XKR4: variants seen among roughly 807,000 people sequenced by gnomAD.
XKR4 encodes the protein XK related 4, also known as XK-related protein 4.
XKR4 carries 12 observed loss-of-function variants against 53.9 expected under a neutral mutation model. The observed-to-expected ratio is 0.22, with a 90% CI of 0.14 to 0.36. XKR4 has a LOEUF of 0.36. XKR4 is among the 10% of genes least tolerant of loss of function. XKR4 has a pLI of 1.00. For synonymous variants in XKR4, 354 were observed against 362.4 expected, an observed-to-expected ratio of 0.98 and a Z score of 0.26; for missense variants, 799 against 859.5, an observed-to-expected ratio of 0.93 and a Z score of 0.88.
At chr8:55,497,077 C>T (rs574181834) in intron 2 of XKR4, among the ~76,000 whole-genome samples, 1 of 152,192 alleles carries the variant, frequency 6.6e-6, no homozygotes, top group Non-Finnish European at 1.5e-5. Context: ...TGCTGCAATA[C>T]ACTTTCGTCC....
At chr8:55,471,635 T>G (rs1805885654) in intron 2 of XKR4, among the ~76,000 whole-genome samples, 1 of 152,144 alleles carries the variant, frequency 6.6e-6, no homozygotes, top group African/African-American at 2.4e-5. Flanking sequence ...GTTTGTCCTC[T>G]CCAAATCTCA....
intron 1 of XKR4, among the ~76,000 whole-genome samples, chr8:55,211,422 A>G (rs1390372854): frequency 6.6e-6 from 1 of 152,198 alleles, no homozygotes; most frequent in Admixed American, 6.5e-5. Flanking sequence ...TTGAAATACA[A>G]CTTCTTTGAC....
chr8:55,356,113 G>C (rs954456978), intron 1 of XKR4, among the ~76,000 whole-genome samples: 1 of 152,192 alleles, frequency 6.6e-6, no homozygotes, highest in East Asian at 1.9e-4. Context: ...AAATACTGTA[G>C]AGACATTGGC....
chr8:55,416,194 G>A (rs1804843747), intron 2 of XKR4, among the ~76,000 whole-genome samples: 1 of 152,162 alleles, frequency 6.6e-6, no homozygotes, highest in Non-Finnish European at 1.5e-5. Flanking sequence ...AAAAAATGGA[G>A]CAACGAGAAA....
intron 2 of XKR4, among the ~76,000 whole-genome samples, chr8:55,503,000 G>A (rs956260102): frequency 3.9e-5 from 6 of 152,014 alleles, no homozygotes; most frequent in Non-Finnish European, 5.9e-5. Context: ...GTCAAAAATC[G>A]TTTGACCATC....
chr8:55,324,210 C>T (rs751724460), intron 1 of XKR4, among the ~76,000 whole-genome samples: 1 of 152,172 alleles, frequency 6.6e-6, no homozygotes, highest in Non-Finnish European at 1.5e-5. Context: ...ATCCTCCCAC[C>T]TCAGCCTCAT....
intron 2 of XKR4, among the ~76,000 whole-genome samples, chr8:55,488,370 T>C (rs1806224720): frequency 6.6e-6 from 1 of 152,208 alleles, no homozygotes; most frequent in Non-Finnish European, 1.5e-5. Context: ...TGTAAACTCC[T>C]ACAAAAATGT....
chr8:55,318,776 G>C (rs1004231604), intron 1 of XKR4, among the ~76,000 whole-genome samples: 1 of 152,114 alleles, frequency 6.6e-6, no homozygotes, highest in African/African-American at 2.4e-5. Context: ...CATCAGGCAC[G>C]CAACCTCCAG....
intron 2 of XKR4, among the ~76,000 whole-genome samples, chr8:55,443,890 G>A (rs1467361674): frequency 6.6e-6 from 1 of 151,586 alleles, no homozygotes; most frequent in Non-Finnish European, 1.5e-5. Context: ...ATCAAAATGG[G>A]CCAGGCACAG....
At chr8:55,375,900 C>T (rs1804144849) in intron 2 of XKR4, among the ~76,000 whole-genome samples, 1 of 152,038 alleles carries the variant, frequency 6.6e-6, no homozygotes, top group African/African-American at 2.4e-5. Flanking sequence ...CCCTAACAGG[C>T]CCCAGTGTGT....
chr8:55,171,452 A>G (rs1262702326), intron 1 of XKR4, among the ~76,000 whole-genome samples: 3 of 152,112 alleles, frequency 2.0e-5, no homozygotes, highest in Admixed American at 2.0e-4. Context: ...CTCACCTACA[A>G]CATGGATATG....
intron 2 of XKR4, among the ~76,000 whole-genome samples, chr8:55,437,012 G>T (rs1805187203): frequency 6.6e-6 from 1 of 152,132 alleles, no homozygotes; most frequent in East Asian, 1.9e-4. Flanking sequence ...AAAGGTACGG[G>T]ATTTGCCGTT....
At chr8:55,462,098 C>T (rs922621367) in intron 2 of XKR4, among the ~76,000 whole-genome samples, 57 of 152,274 alleles carry the variant, frequency 3.7e-4, no homozygotes, top group Admixed American at 1.0e-3. Context: ...GGCAGGTCAA[C>T]ATTCAAATTC....
intron 2 of XKR4, among the ~76,000 whole-genome samples, chr8:55,438,154 A>G: frequency 6.6e-6 from 1 of 152,164 alleles, no homozygotes; most frequent in East Asian, 1.9e-4. Context: ...CAGACAAAAA[A>G]AAAAGTTAAC....
chr8:55,462,110 G>T (rs1255396374), intron 2 of XKR4, among the ~76,000 whole-genome samples: 1 of 152,126 alleles, frequency 6.6e-6, no homozygotes, highest in Non-Finnish European at 1.5e-5. Context: ...TTCAAATTCA[G>T]AAAATACAGA....
intron 2 of XKR4, among the ~76,000 whole-genome samples, chr8:55,471,725 G>A (rs2129400172): frequency 6.6e-6 from 1 of 152,224 alleles, no homozygotes; most frequent in African/African-American, 2.4e-5. Context: ...CTCATGAATG[G>A]TTAACACCAT....
At chr8:55,151,435 C>T (rs1236293702) in intron 1 of XKR4, among the ~76,000 whole-genome samples, 1 of 152,154 alleles carries the variant, frequency 6.6e-6, no homozygotes, top group African/African-American at 2.4e-5. Flanking sequence ...TCCTCATTGT[C>T]TCATACATGA....
chr8:55,472,169 A>G (rs1254066363), intron 2 of XKR4, among the ~76,000 whole-genome samples: 1 of 152,138 alleles, frequency 6.6e-6, no homozygotes, highest in East Asian at 1.9e-4. Context: ...AAGTTCTGGG[A>G]TAAAGATACA....
intron 2 of XKR4, chr8:55,454,621 T>G: frequency 8.0e-7 from 1 of 1,249,274 alleles, no homozygotes; most frequent in Non-Finnish European, 1.2e-6. Flanking sequence ...CGTCCTCTAC[T>G]AGCCCCCAGC....
Sources: gnomAD v4.1 joint callset for allele counts (sites outside exome capture counted in the v4.1 genomes callset) on GRCh38, gnomAD v4.1.1 for gene constraint, MANE v1.5 for transcripts, NCBI Gene and HGNC (gene_info 2026-07-23, HGNC 2026-07-21) for gene names.